Variants in CALCR observed in about 807,000 individuals in gnomAD.
The protein encoded by CALCR is calcitonin receptor.
CALCR carries 47 observed loss-of-function variants against 59.5 expected under a neutral mutation model. That is an observed-to-expected ratio of 0.79 (90% CI 0.63 to 1.01). The LOEUF (loss-of-function observed/expected upper bound fraction) is 1.01. Ranked by LOEUF, CALCR falls within the 50% of genes least tolerant of loss-of-function variation. The pLI, the probability that CALCR is intolerant of heterozygous loss-of-function variation, is 0.00. For missense variants in CALCR, 566 were observed against 597.1 expected (o/e 0.95, Z 0.54); for synonymous variants, 213 against 211.3 (o/e 1.01, Z -0.07).
intron 8 of CALCR, among the ~76,000 whole-genome samples, chr7:93,455,208 T>C (rs922743143): frequency 1.3e-5 from 2 of 151,982 alleles, no homozygotes; most frequent in Non-Finnish European, 2.9e-5. Context: ...TAAACTGTCT[T>C]TAAAAATTAT....
intron 8 of CALCR, 124 bp downstream of exon 8, chr7:93,460,697 G>C: frequency 1.8e-6 from 1 of 567,176 alleles, no homozygotes; most frequent in Non-Finnish European, 2.8e-6. Context: ...AAAACTCGAC[G>C]GTAGAAGTAA....
chr7:93,555,440 G>A (rs1441687826), intron 2 of CALCR, among the ~76,000 whole-genome samples: 1 of 152,106 alleles, frequency 6.6e-6, no homozygotes, highest in Non-Finnish European at 1.5e-5. Flanking sequence ...GGGTCATCTG[G>A]AATAGACAGG....
chr7:93,471,866 A>G (rs1800560159), intron 6 of CALCR, among the ~76,000 whole-genome samples: 1 of 151,866 alleles, frequency 6.6e-6, no homozygotes, highest in Non-Finnish European at 1.5e-5. Flanking sequence ...ATGAACTTCC[A>G]CTGAAAATAA....
chr7:93,492,639 G>C (rs984155183), intron 2 of CALCR, among the ~76,000 whole-genome samples: 1 of 151,438 alleles, frequency 6.6e-6, no homozygotes, highest in African/African-American at 2.4e-5. Flanking sequence ...AGCTGGATGA[G>C]ATATGATTCC....
At chr7:93,469,514 C>A (rs543021919) in intron 6 of CALCR, among the ~76,000 whole-genome samples, 8 of 151,496 alleles carry the variant, frequency 5.3e-5, no homozygotes, top group African/African-American at 1.9e-4. Context: ...AGTCACCCAT[C>A]CCTCTCTCTG....
intron 2 of CALCR, among the ~76,000 whole-genome samples, chr7:93,524,347 T>TG (rs1801831523): frequency 6.6e-6 from 1 of 151,918 alleles, no homozygotes; most frequent in Non-Finnish European, 1.5e-5. Flanking sequence ...TTTTTTGGTA[T>TG]TTTTAGTAGA....
At chr7:93,469,244 T>C (rs1800503520) in intron 6 of CALCR, among the ~76,000 whole-genome samples, 1 of 151,710 alleles carries the variant, frequency 6.6e-6, no homozygotes. Context: ...GTGGCAGGTT[T>C]CTGTGCCTTT....
chr7:93,507,470 T>C (rs17165514), intron 2 of CALCR, among the ~76,000 whole-genome samples: 4,061 of 151,756 alleles, frequency 0.027, 203 homozygotes, highest in African/African-American at 0.093. Context: ...GGGCCCTCAG[T>C]GTAGGGTTTT....
intron 7 of CALCR, among the ~76,000 whole-genome samples, chr7:93,461,827 A>G (rs1248739413): frequency 1.3e-5 from 2 of 152,184 alleles, no homozygotes; most frequent in African/African-American, 2.4e-5. Flanking sequence ...CATCATGGCT[A>G]TAACAAAATT....
chr7:93,545,089 A>T (rs181085269), intron 2 of CALCR, among the ~76,000 whole-genome samples: 293 of 152,090 alleles, frequency 1.9e-3, no homozygotes, highest in African/African-American at 6.7e-3. Flanking sequence ...GCTGCATGTT[A>T]AGTTGGTGGG....
intron 8 of CALCR, among the ~76,000 whole-genome samples, chr7:93,451,400 A>G (rs1800107255): frequency 6.6e-6 from 1 of 152,024 alleles, no homozygotes; most frequent in African/African-American, 2.4e-5. Context: ...TTTTTCTGCA[A>G]TGGCCATCTT....
At chr7:93,470,158 T>C (rs1016630928) in intron 6 of CALCR, among the ~76,000 whole-genome samples, 2 of 151,732 alleles carry the variant, frequency 1.3e-5, no homozygotes, top group Non-Finnish European at 2.9e-5. Context: ...TAGCACATTT[T>C]ACTCTTACAG....
chr7:93,492,315 GA>G (rs913969034), intron 2 of CALCR, among the ~76,000 whole-genome samples: 3 of 149,136 alleles, frequency 2.0e-5, no homozygotes, highest in Admixed American at 6.7e-5. Flanking sequence ...TTTTTAAAAA[GA>G]AAAAAATAAA....
At chr7:93,526,603 G>A (rs576784269) in intron 2 of CALCR, among the ~76,000 whole-genome samples, 150 of 152,120 alleles carry the variant, frequency 9.9e-4, no homozygotes, top group African/African-American at 3.3e-3. Flanking sequence ...AGACTTTTGA[G>A]ATAAGCTAGA....
intron 2 of CALCR, among the ~76,000 whole-genome samples, chr7:93,531,324 C>T (rs1292177801): frequency 1.3e-5 from 2 of 152,000 alleles, no homozygotes; most frequent in South Asian, 2.1e-4. Context: ...TGAGTCGGAA[C>T]CTGGGCTGAG....
chr7:93,569,935 G>GACACACACACACACACACAC (rs3068441), intron 2 of CALCR, among the ~76,000 whole-genome samples: 5 of 144,018 alleles, frequency 3.5e-5, no homozygotes, highest in African/African-American at 1.3e-4. Context: ...GATGTAAAGG[G>GACACACACACACACACACAC]ACACACACAC....
chr7:93,513,253 A>G (rs67587039), intron 2 of CALCR, among the ~76,000 whole-genome samples: 18,226 of 152,100 alleles, frequency 0.12, 2,358 homozygotes, highest in African/African-American at 0.31. Flanking sequence ...CAAATGTTCC[A>G]CATAGAATGT....
intron 2 of CALCR, among the ~76,000 whole-genome samples, chr7:93,565,235 T>A (rs1043878830): frequency 2.0e-5 from 3 of 152,260 alleles, no homozygotes; most frequent in African/African-American, 7.2e-5. Flanking sequence ...TCATCTCTGC[T>A]ATGGTCTCCT....
chr7:93,528,093 C>A (rs1158994669), intron 2 of CALCR, among the ~76,000 whole-genome samples: 1 of 152,056 alleles, frequency 6.6e-6, no homozygotes, highest in East Asian at 1.9e-4. Context: ...TGTTCTGATA[C>A]CTTTGATTAG....
Sources: allele counts gnomAD v4.1 joint callset (sites outside exome capture counted in the v4.1 genomes callset), GRCh38; gene constraint gnomAD v4.1.1; transcripts MANE v1.5; gene names NCBI Gene and HGNC (gene_info 2026-07-23, HGNC 2026-07-21).